The following CDKL1 variants were observed in gnomAD, a reference collection of about 807,000 sequenced individuals.
CDKL1 encodes the protein cyclin dependent kinase like 1, also known as cyclin-dependent kinase-like 1.
CDKL1 carries 41 observed loss-of-function variants against 42.0 expected under a neutral mutation model. That is an observed-to-expected ratio of 0.98 (90% CI 0.76 to 1.27). The LOEUF is 1.27. Among genes scored for constraint, CDKL1 ranks in the 50% most tolerant of loss-of-function variants. The pLI is 0.00. For synonymous variants in CDKL1, 153 were observed against 158.6 expected (o/e 0.96, Z 0.26); for missense variants, 394 against 428.4 (o/e 0.92, Z 0.71).
In CDKL1 at chr14:50,395,837, C is replaced by G. The variant is rs962845601; in HGVS notation, c.32G>C (p.Gly11Ala). The part of the protein sequence containing the change: MEKYEKIGKI[G>A]EGSYGVVFKC... ...GAAAACAACTCCATAGGATCCTTCT[C>G]CAATTTTCCCAATTTTTTCATACTT... Residue 11 changes from glycine (G) to alanine (A), a missense_variant, in exon 2 of 10, where the codon GGA (glycine) becomes GCA (alanine). Transcript: ENST00000395834. The G allele has an allele frequency of 1.7e-5, 28 of 1,610,990 alleles. No homozygotes were observed. The highest frequency in any genetic ancestry group is 1.7e-4 in the Middle Eastern group (1 of 6,058).
chr14:50,396,442 C>A (rs935542931), intron 1 of CDKL1, 113 bp from the exon 2 acceptor site: 1 of 985,368 alleles, frequency 1.0e-6, no homozygotes, highest in Non-Finnish European at 1.2e-6. Context: ...CGATTTTAAT[C>A]GCCCGTTAAA....
intron 2 of CDKL1, chr14:50,363,382 G>C (rs2034340049): frequency 6.3e-6 from 1 of 158,044 alleles, no homozygotes; most frequent in Admixed American, 6.3e-5. Flanking sequence ...TCCAAACATA[G>C]TAGGATAGAA....
At chr14:50,338,829 C>G (rs1300864662) in intron 7 of CDKL1, 118 bp downstream of exon 7, 1 of 731,484 alleles carries the variant, frequency 1.4e-6, no homozygotes, top group Non-Finnish European at 2.5e-6. Flanking sequence ...CTCCAATTTT[C>G]TTTTTCTCTG....
intron 5 of CDKL1, among the ~76,000 whole-genome samples, chr14:50,341,474 T>C (rs2033535816): frequency 1.2e-5 from 1 of 86,756 alleles, no homozygotes; most frequent in Non-Finnish European, 2.4e-5. Context: ...GGGGGGGGGT[T>C]ATTTGGCTTA....
chr14:50,361,599 A>G (rs975436890), intron 2 of CDKL1, among the ~76,000 whole-genome samples: 4 of 152,034 alleles, frequency 2.6e-5, no homozygotes, highest in African/African-American at 9.7e-5. Flanking sequence ...GAAGGGCAAG[A>G]GAGCACCCCC....
chr14:50,375,231 G>A (rs1259106648), intron 2 of CDKL1, among the ~76,000 whole-genome samples: 1 of 152,080 alleles, frequency 6.6e-6, no homozygotes, highest in African/African-American at 2.4e-5. Context: ...CTACATTGAT[G>A]GAAGTATATC....
At chr14:50,358,634 G>GTTTTTTTTT (rs1379484175) in intron 3 of CDKL1, among the ~76,000 whole-genome samples, 10 of 45,116 alleles carry the variant, frequency 2.2e-4, no homozygotes, top group East Asian at 5.8e-4. Flanking sequence ...TTTTTAACTA[G>GTTTTTTTTT]TCTTTTTTTT....
intron 2 of CDKL1, among the ~76,000 whole-genome samples, chr14:50,384,821 A>G (rs1038976233): frequency 6.6e-6 from 1 of 151,914 alleles, no homozygotes. Flanking sequence ...CTGTAATCCC[A>G]GCACTTTAGG....
intron 6 of CDKL1, 28 bp downstream of exon 6, chr14:50,341,004 C>G: frequency 6.2e-7 from 1 of 1,605,786 alleles, no homozygotes; most frequent in South Asian, 1.1e-5. Context: ...TCCAGTTTTC[C>G]AAAAGGTGGG....
chr14:50,335,295 CAAAAAAAA>C (rs55777134), intron 7 of CDKL1, among the ~76,000 whole-genome samples: 3 of 54,314 alleles, frequency 5.5e-5, no homozygotes, highest in East Asian at 4.7e-4. Flanking sequence ...GACCCTGTCT[CAAAAAAAA>C]AAAAAAAAAA....
At chr14:50,355,794 C>T (rs2064574394) in intron 3 of CDKL1, among the ~76,000 whole-genome samples, 1 of 152,142 alleles carries the variant, frequency 6.6e-6, no homozygotes, top group African/African-American at 2.4e-5. Flanking sequence ...AGGAGTCTTC[C>T]AGGTACAATA....
At chr14:50,331,756 T>C (rs532285810) in intron 9 of CDKL1, 3 of 435,802 alleles carry the variant, frequency 6.9e-6, no homozygotes, top group African/African-American at 5.9e-5. Flanking sequence ...AGTGTGCAGT[T>C]TGGATGCTGT....
chr14:50,374,630 T>C (rs759939308), intron 2 of CDKL1, among the ~76,000 whole-genome samples: 5 of 152,260 alleles, frequency 3.3e-5, no homozygotes, highest in Non-Finnish European at 7.3e-5. Flanking sequence ...CTACAGATTA[T>C]AGTTGAAGAC....
At chr14:50,371,417 C>G (rs2034586844) in intron 2 of CDKL1, among the ~76,000 whole-genome samples, 1 of 152,186 alleles carries the variant, frequency 6.6e-6, no homozygotes, top group African/African-American at 2.4e-5. Context: ...TCACAGCCAT[C>G]CTGACAGGTG....
intron 2 of CDKL1, chr14:50,378,548 T>C: frequency 1.2e-6 from 1 of 812,030 alleles, no homozygotes; most frequent in Non-Finnish European, 1.7e-6. Context: ...TTTTATTTTT[T>C]ATAGAGACAG....
chr14:50,372,101 T>TTTTTG (rs567936828), intron 2 of CDKL1, among the ~76,000 whole-genome samples: 1 of 150,962 alleles, frequency 6.6e-6, no homozygotes, highest in African/African-American at 2.4e-5. Context: ...GTTTTGGGTA[T>TTTTTG]TTTTGTTTTG....
chr14:50,343,205 T>C, intron 4 of CDKL1: 1 of 409,190 alleles, frequency 2.4e-6, no homozygotes. Context: ...TCAGGGTCCC[T>C]AATAATCTTC....
At chr14:50,344,468 G>GTTTT (rs138592023) in intron 4 of CDKL1, among the ~76,000 whole-genome samples, 2 of 130,880 alleles carry the variant, frequency 1.5e-5, no homozygotes, top group Admixed American at 8.0e-5. Context: ...GTTCTTTGTG[G>GTTTT]TTTTTTTTTT....
chr14:50,352,862 C>A (rs976859835), intron 3 of CDKL1, among the ~76,000 whole-genome samples: 1 of 152,172 alleles, frequency 6.6e-6, no homozygotes, highest in East Asian at 1.9e-4. Flanking sequence ...ACGTATTCAC[C>A]CATACCCAAA....
Sources: allele counts gnomAD v4.1 joint callset (sites outside exome capture counted in the v4.1 genomes callset), GRCh38; gene constraint gnomAD v4.1.1; transcripts MANE v1.5; gene names NCBI Gene and HGNC (gene_info 2026-07-23, HGNC 2026-07-21).